The following ZNF469 variants were observed in gnomAD, a reference collection of about 807,000 sequenced individuals.
ZNF469 encodes zinc finger protein 469.
A neutral mutation model predicts 1.0 loss-of-function variants in ZNF469; 1 was observed. The ratio of observed to expected loss-of-function variants is 1.00; its 90% CI spans 0.35 to 4.73. ZNF469 has a LOEUF of 4.73. Ranked by LOEUF, ZNF469 falls within the 30% of genes most tolerant of loss-of-function variation. The pLI, the probability that ZNF469 is intolerant of heterozygous loss-of-function variation, is 0.16. For synonymous variants in ZNF469, 2,703 were observed against 2,363.4 expected, an observed-to-expected ratio of 1.14 and a Z score of -4.17; for missense variants, 6,100 against 5,356.3, an observed-to-expected ratio of 1.14 and a Z score of -4.33.
chr16:88,169,137 G>A, the ZNF469 span, among the ~76,000 whole-genome samples: 2 of 152,248 alleles, frequency 1.3e-5, no homozygotes, highest in East Asian at 3.9e-4. The surrounding 1 kb of genome is among the most constrained non-coding windows in gnomAD (Gnocchi z 6.1). Context: ...AAGAGGGTGG[G>A]GTTGAGGACA....
the ZNF469 span, among the ~76,000 whole-genome samples, chr16:88,165,808 G>A: frequency 8.6e-5 from 13 of 151,934 alleles, 1 homozygote; most frequent in East Asian, 1.4e-3. Context: ...CGGCCCCGCC[G>A]CCTCCTTTCC....
chr16:88,208,399 G>A, the ZNF469 span, among the ~76,000 whole-genome samples: 3 of 148,806 alleles, frequency 2.0e-5, no homozygotes, highest in Non-Finnish European at 3.0e-5. Flanking sequence ...GTGCTAGTGC[G>A]CTCATTACTA....
the ZNF469 span, among the ~76,000 whole-genome samples, chr16:88,190,436 G>T: frequency 6.6e-6 from 1 of 152,262 alleles, no homozygotes; most frequent in Non-Finnish European, 1.5e-5. Context: ...GACAGGTGGC[G>T]TGTTTGTGAA....
At chr16:88,228,493 ACT>A in the ZNF469 span, among the ~76,000 whole-genome samples, 2 of 152,136 alleles carry the variant, frequency 1.3e-5, no homozygotes, top group Non-Finnish European at 2.9e-5. Flanking sequence ...ATGGTGGTTT[ACT>A]CTCTACTCTC....
chr16:88,110,972 C>T, the ZNF469 span, among the ~76,000 whole-genome samples: 3 of 152,386 alleles, frequency 2.0e-5, no homozygotes, highest in South Asian at 4.1e-4. Flanking sequence ...CAGGGAAGCT[C>T]AGGCCCCCTT....
At chr16:88,267,076 G>A in the ZNF469 span, among the ~76,000 whole-genome samples, 30 of 152,342 alleles carry the variant, frequency 2.0e-4, no homozygotes, top group East Asian at 2.3e-3. Context: ...CGTGGGTCAC[G>A]ACTCTGGAGC....
the ZNF469 span, among the ~76,000 whole-genome samples, chr16:88,208,797 ACACACACT>A: frequency 2.1e-4 from 15 of 71,084 alleles, no homozygotes; most frequent in Admixed American, 6.4e-4. Flanking sequence ...ACACACACAC[ACACACACT>A]CTCTCTCTCT....
the ZNF469 span, among the ~76,000 whole-genome samples, chr16:88,185,396 C>A: frequency 6.6e-6 from 1 of 152,136 alleles, no homozygotes; most frequent in Non-Finnish European, 1.5e-5. Context: ...AGAACACACA[C>A]ACATTTGCAC....
chr16:88,357,963 C>T, the ZNF469 span, among the ~76,000 whole-genome samples: 1 of 152,224 alleles, frequency 6.6e-6, no homozygotes, highest in African/African-American at 2.4e-5. Flanking sequence ...CCTGGGATGG[C>T]ATTTGGCCCG....
the ZNF469 span, among the ~76,000 whole-genome samples, chr16:88,142,247 A>C: frequency 4.2e-4 from 64 of 152,302 alleles, no homozygotes; most frequent in African/African-American, 1.5e-3. Flanking sequence ...GGGTCTGGGA[A>C]AGGCTGCCCT....
chr16:88,160,135 G>C, the ZNF469 span, among the ~76,000 whole-genome samples: 1 of 152,204 alleles, frequency 6.6e-6, no homozygotes, highest in Admixed American at 6.5e-5. Flanking sequence ...GAAGGGTGCT[G>C]ACCCCTGTGC....
chr16:88,119,500 T>C, the ZNF469 span, among the ~76,000 whole-genome samples: 1 of 152,194 alleles, frequency 6.6e-6, no homozygotes. Flanking sequence ...AGCCAATTGC[T>C]CAAAGCAACC....
In ZNF469 at chr16:88,428,497, G is replaced by A. The variant is rs1390975385; in HGVS notation, c.1027G>A (p.Gly343Ser). Residue 343 changes from glycine to serine, a missense_variant, in exon 3 of 3, where the codon GGT (glycine) becomes AGT (serine). Physicochemically the swap from Gly to Ser is moderately conservative, Grantham distance 56. Coordinates refer to ENST00000565624, the MANE Select transcript of ZNF469 (RefSeq NM_001367624.2). ...CCTGCCCTGCTACCAGGGCCAGCCAGGTGGCCTGAACCGCCACAGCGACCT... is the reference window on the plus strand; with the variant it reads ...CCTGCCCTGCTACCAGGGCCAGCCAAGTGGCCTGAACCGCCACAGCGACCT... Reference protein sequence around the residue: ...SPLPCYQGQPGGLNRHSDLSG... With the variant: ...SPLPCYQGQPSGLNRHSDLSG... 1.9e-6 allele frequency: 3 copies of A among 1,549,718 alleles called. No homozygotes were observed. Among genetic ancestry groups the A allele is most frequent in the South Asian group, 2.4e-5 (2 of 84,064 alleles).
the ZNF469 span, among the ~76,000 whole-genome samples, chr16:88,365,138 T>G: frequency 1.3e-5 from 2 of 152,130 alleles, no homozygotes; most frequent in African/African-American, 4.8e-5. Context: ...ATGAGTCGAG[T>G]CTCAGCCCAG....
At chr16:88,279,076 TG>T in the ZNF469 span, among the ~76,000 whole-genome samples, 1 of 131,310 alleles carries the variant, frequency 7.6e-6, no homozygotes, top group Non-Finnish European at 1.7e-5. Context: ...GCATGGTTAG[TG>T]CTGCGCCATG....
At chr16:88,112,903 C>G in the ZNF469 span, among the ~76,000 whole-genome samples, 1 of 151,650 alleles carries the variant, frequency 6.6e-6, no homozygotes. Flanking sequence ...TCGGCCTCCC[C>G]AGTAGCTGGG....
At chr16:88,117,659 C>CGGACCGTGGG in the ZNF469 span, among the ~76,000 whole-genome samples, 1 of 69,834 alleles carries the variant, frequency 1.4e-5, no homozygotes, top group African/African-American at 7.0e-5. Context: ...CGTGTCTTCA[C>CGGACCGTGGG]AAACCGTGGA....
chr16:88,369,323 A>T, the ZNF469 span, among the ~76,000 whole-genome samples: 1 of 152,220 alleles, frequency 6.6e-6, no homozygotes, highest in African/African-American at 2.4e-5. Context: ...AATGCAAATG[A>T]CATGCAAATC....
the ZNF469 span, among the ~76,000 whole-genome samples, chr16:88,320,487 A>T: frequency 6.6e-6 from 1 of 152,152 alleles, no homozygotes; most frequent in Non-Finnish European, 1.5e-5. Flanking sequence ...AGGTTCAAGC[A>T]ATTCTTCTGC....
Sources: gnomAD v4.1 joint callset for allele counts (sites outside exome capture counted in the v4.1 genomes callset) on GRCh38, gnomAD v4.1.1 for gene constraint, Gnocchi (gnomAD v3.1) non-coding constraint, MANE v1.5 for transcripts, NCBI Gene and HGNC (gene_info 2026-07-23, HGNC 2026-07-21) for gene names.